CCDC93: variants seen among roughly 807,000 people sequenced by gnomAD.
CCDC93 encodes the protein CCC complex scaffolding subunit CCDC93.
In CCDC93, 61 loss-of-function variants were observed where a neutral mutation model predicts 108.2. The observed-to-expected ratio is 0.56, with a 90% CI of 0.46 to 0.70. The LOEUF (loss-of-function observed/expected upper bound fraction) is 0.70, where lower values mean the gene tolerates loss of function less well. Among genes scored for constraint, CCDC93 ranks in the 30% least tolerant of loss-of-function variants. The probability of loss-of-function intolerance (pLI) is 0.00; values close to 1 mark genes in which losing one functional copy is unlikely to be tolerated. For missense variants in CCDC93, 685 were observed against 764.2 expected, an observed-to-expected ratio of 0.90 and a Z score of 1.22; for synonymous variants, 276 against 260.4, an observed-to-expected ratio of 1.06 and a Z score of -0.58.
At chr2:117,968,280 G>A (rs983463176) in intron 11 of CCDC93, among the ~76,000 whole-genome samples, 21 of 152,170 alleles carry the variant, frequency 1.4e-4, no homozygotes, top group African/African-American at 4.8e-4. Flanking sequence ...GGGTTGCAGG[G>A]CGGAAATATA....
At chr2:117,986,169 T>TTC in intron 6 of CCDC93, 100 bp from the exon 7 acceptor site, 1 of 619,124 alleles carries the variant, frequency 1.6e-6, no homozygotes, top group African/African-American at 1.9e-5. Flanking sequence ...TCTTTTTTTT[T>TTC]TTTTTTTTTT....
At chr2:117,975,410 T>A (rs1679911996) in intron 8 of CCDC93, 130 bp from the exon 9 acceptor site, 2 of 668,236 alleles carry the variant, frequency 3.0e-6, no homozygotes, top group Admixed American at 5.1e-5. Context: ...CCTGAGAGAG[T>A]GGATACTCCA....
chr2:117,978,745 G>A (rs963344093), intron 7 of CCDC93, among the ~76,000 whole-genome samples: 3 of 152,106 alleles, frequency 2.0e-5, no homozygotes, highest in African/African-American at 7.2e-5. Flanking sequence ...CGCCTGCAAA[G>A]TGCTGTAATC....
At chr2:117,985,729 C>G (rs1018313920) in intron 7 of CCDC93, among the ~76,000 whole-genome samples, 1 of 152,084 alleles carries the variant, frequency 6.6e-6, no homozygotes, top group Non-Finnish European at 1.5e-5. Flanking sequence ...TCTGTAAATG[C>G]CTGGAACACC....
At chr2:117,939,498 A>T (rs1347959429) in intron 19 of CCDC93, among the ~76,000 whole-genome samples, 1 of 152,224 alleles carries the variant, frequency 6.6e-6, no homozygotes, top group East Asian at 1.9e-4. Flanking sequence ...TCTTTATCAG[A>T]TGATTTTAAC....
chr2:117,954,699 T>C (rs769117774), intron 12 of CCDC93, among the ~76,000 whole-genome samples: 8 of 152,164 alleles, frequency 5.3e-5, no homozygotes, highest in African/African-American at 9.7e-5. Context: ...TATTCCCTCA[T>C]TGGACCATGA....
chr2:117,950,595 G>A (rs965074251), intron 13 of CCDC93: 1 of 985,268 alleles, frequency 1.0e-6, no homozygotes. Context: ...AGGTTTTGCT[G>A]AAGAGGTCAA....
intron 3 of CCDC93, 169 bp from the exon 4 acceptor site, chr2:118,001,101 A>C: frequency 1.8e-6 from 1 of 565,792 alleles, no homozygotes; most frequent in Non-Finnish European, 3.2e-6. Flanking sequence ...AATAAGCACA[A>C]TTTGGTGGTG....
At chr2:117,965,890 A>G (rs1679551762) in intron 11 of CCDC93, among the ~76,000 whole-genome samples, 1 of 152,212 alleles carries the variant, frequency 6.6e-6, no homozygotes, top group Admixed American at 6.5e-5. Flanking sequence ...TGGCAGAAAA[A>G]AAAAACAAAG....
chr2:117,941,312 GAGAC>G lies in CCDC93; in HGVS notation c.1414-19_1414-16del, dbSNP rs752007577. On this transcript the variant is annotated splice_polypyrimidine_tract_variant and intron_variant, in intron 18 of 23. Transcript: ENST00000376300. Reference sequence around the variant, plus strand: ...TTTCTTCGAGCCTAAATGCAAAAGGGAGACAGAGACAGTACTATTTGGTAAAAGG... The same window carrying G: ...TTTCTTCGAGCCTAAATGCAAAAGGGAGAGACAGTACTATTTGGTAAAAGG... The G allele has an allele frequency of 6.3e-7, 1 of 1,593,902 alleles. No homozygotes were observed. Among genetic ancestry groups the G allele is most frequent in the Non-Finnish European group, 8.6e-7 (1 of 1,161,616 alleles).
intron 6 of CCDC93, among the ~76,000 whole-genome samples, chr2:117,990,212 G>A (rs1435621939): frequency 6.6e-6 from 1 of 152,224 alleles, no homozygotes; most frequent in African/African-American, 2.4e-5. Context: ...TCACAGCACA[G>A]TACATGAGAC....
chr2:117,984,073 T>C (rs556167783), intron 7 of CCDC93, among the ~76,000 whole-genome samples: 23 of 152,310 alleles, frequency 1.5e-4, no homozygotes, highest in African/African-American at 5.5e-4. Flanking sequence ...TTTCTGAATG[T>C]TGTCATTATT....
chr2:118,000,760 G>C (rs1680820707), intron 4 of CCDC93, 61 bp downstream of exon 4: 10 of 1,102,282 alleles, frequency 9.1e-6, no homozygotes, highest in Non-Finnish European at 1.4e-5. Context: ...TACAGGACAA[G>C]CCAGGCCCAT....
rs754233491 is a variant in CCDC93 at position 118,013,938 on chromosome 2, G to A, written c.42+16C>T. 4 of 1,574,300 alleles carry A rather than the reference G, an allele frequency of 2.5e-6. No homozygotes were observed. The East Asian group carries it at 9.6e-5, about 38-fold the overall frequency. On this transcript the variant is annotated intron_variant, in intron 1 of 23. Transcript: ENST00000376300. ...CAGGAACCCCGACGTGTCAGGGAAG[G>A]AGGAGGCGTTCTTACCTCCGGGAGA...
rs149309040 is a variant in CCDC93 at position 118,004,401 on chromosome 2, A to G, written c.251+2321T>C. ...CTTATGGAACTCTCAGCAAAGAAAGATGACAGAGAACAAGGCCTCAATTGG... is the reference window on the plus strand; with the variant it reads ...CTTATGGAACTCTCAGCAAAGAAAGGTGACAGAGAACAAGGCCTCAATTGG... On this transcript the variant is annotated intron_variant, in intron 3 of 23. Transcript: ENST00000376300. Among the ~76,000 whole-genome samples, 773 of 152,356 alleles carry G rather than the reference A, an allele frequency of 5.1e-3. 5 individuals are homozygous for G. Among genetic ancestry groups the G allele is most frequent in the Middle Eastern group, 0.02 (6 of 294 alleles).
At chr2:118,008,936 G>A (rs1238980085) in intron 1 of CCDC93, 3 of 296,128 alleles carry the variant, frequency 1.0e-5, no homozygotes, top group Non-Finnish European at 1.9e-5. Context: ...CATGCTGAAG[G>A]AATCCAGGGA....
chr2:117,937,204 G>A (rs916508914), intron 20 of CCDC93, among the ~76,000 whole-genome samples: 4 of 152,156 alleles, frequency 2.6e-5, no homozygotes, highest in African/African-American at 9.7e-5. Context: ...AATGCAACAA[G>A]CTAAGCTGCT....
chr2:117,996,354 C>A lies in CCDC93; in HGVS notation c.372G>T (p.Val124=). 6.2e-7 allele frequency: 1 copy of A among 1,611,428 alleles called. No homozygotes were observed. Among genetic ancestry groups the A allele is most frequent in the Non-Finnish European group, 8.5e-7 (1 of 1,177,570 alleles). The change falls in exon 5 of 24, where the codon GTG becomes GTT. Residue 124 remains valine (V), a synonymous_variant. Transcript: ENST00000376300. ...CTTCTTTTGTTTCTATAGCTCGTTT[C>A]ACCAGCCACTGGGGAAGAAAGTGAA... ...IHIFPVVQWL[V]KRAIETKEEM...
At chr2:118,006,907 T>G (rs755416759) in intron 2 of CCDC93, 91 bp from the exon 3 acceptor site, 58 of 739,966 alleles carry the variant, frequency 7.8e-5, no homozygotes, top group Non-Finnish European at 1.4e-4. Flanking sequence ...ATAGCTCTAA[T>G]AGACTCAGTA....
Sources: gnomAD v4.1 joint callset for allele counts (sites outside exome capture counted in the v4.1 genomes callset) on GRCh38, gnomAD v4.1.1 for gene constraint, MANE v1.5 for transcripts, NCBI Gene and HGNC (gene_info 2026-07-23, HGNC 2026-07-21) for gene names.